Variants in IKZF1 observed in about 807,000 individuals in gnomAD.
IKZF1 encodes IKAROS family zinc finger 1, also known as DNA-binding protein Ikaros.
Under a neutral mutation model 51.7 loss-of-function variants are expected in IKZF1, and 10 were observed. That is an observed-to-expected ratio of 0.19 (90% CI 0.12 to 0.33). The LOEUF (loss-of-function observed/expected upper bound fraction) is 0.33, where lower values mean the gene tolerates loss of function less well. Among genes scored for constraint, IKZF1 ranks in the 10% least tolerant of loss-of-function variants. The probability of loss-of-function intolerance (pLI) is 1.00; values close to 1 mark genes in which losing one functional copy is unlikely to be tolerated. For missense variants in IKZF1, 484 were observed against 707.5 expected (o/e 0.68, Z 3.58); for synonymous variants, 280 against 282.3 (o/e 0.99, Z 0.08).
Position 50,400,858 on chromosome 7 carries a change from T to C in IKZF1, c.*231T>C, listed in dbSNP as rs1817995157. On this transcript the variant is annotated 3_prime_UTR_variant, in exon 8 of 8. Transcript: ENST00000331340. The surrounding 1 kb of genome is among the most constrained non-coding windows in gnomAD (Gnocchi z 5.4). The stretch of plus-strand genomic sequence containing the variant: ...CTGCATTGGGAGCATCCAGAACTGC[T>C]ACCTTCCTAGATGTTTCCCCAGACC... The C allele has an allele frequency of 1.7e-6, 1 of 576,994 alleles. No individual in the cohort carries two copies. The highest frequency in any genetic ancestry group is 3.1e-5 in the East Asian group (1 of 32,690). 35.7% of individuals were successfully genotyped at this position (576,994 alleles called of 1,614,324 possible).
In IKZF1 at chr7:50,400,094, G is replaced by A. The variant is rs2153518075; in HGVS notation, c.1027G>A (p.Val343Ile). Residue 343 changes from valine to isoleucine, a missense_variant, in exon 8 of 8, where the codon GTC becomes ATC. Physicochemically the swap from Val to Ile is conservative, Grantham distance 29 (BLOSUM62 3). This residue lies in a region of IKZF1 where 172 missense variants were observed against 192.7 expected (regional missense o/e 0.89). Coordinates refer to ENST00000331340, the MANE Select transcript of IKZF1 (RefSeq NM_006060.6). The surrounding 1 kb of genome is among the most constrained non-coding windows in gnomAD (Gnocchi z 5.4). ...TPPGGSEVVP[V>I]ISPMYQLHKP... ...CCCGGGCGGTTCCGAGGTGGTCCCG[G>A]TCATCAGCCCGATGTACCAGCTGCA... The A allele has an allele frequency of 2.5e-6, 4 of 1,569,776 alleles. No individual in the cohort carries two copies. The highest frequency in any genetic ancestry group is 1.2e-5 in the South Asian group (1 of 85,826).
chr7:50,334,864 G>T (rs910506893), intron 3 of IKZF1, among the ~76,000 whole-genome samples: 147 of 150,596 alleles, frequency 9.8e-4, no homozygotes, highest in African/African-American at 3.3e-3. Context: ...GGGTATGTGT[G>T]TGTATGGGAT....
At chr7:50,371,193 A>G (rs1230488952) in intron 3 of IKZF1, among the ~76,000 whole-genome samples, 3 of 152,240 alleles carry the variant, frequency 2.0e-5, no homozygotes, top group Non-Finnish European at 4.4e-5. Flanking sequence ...GGAGCCTTGC[A>G]TATCCCTTGG....
At chr7:50,369,655 C>G (rs969283332) in intron 3 of IKZF1, 2 of 398,208 alleles carry the variant, frequency 5.0e-6, no homozygotes, top group African/African-American at 4.1e-5. Context: ...CCCCTTTGCC[C>G]TCAACACCTC....
intron 3 of IKZF1, chr7:50,328,938 T>C (rs1795757976): frequency 1.3e-5 from 2 of 151,578 alleles, no homozygotes; most frequent in Admixed American, 1.3e-4. Flanking sequence ...CCGGGCGTAG[T>C]GGTGGGCGCC....
At chr7:50,324,702 A>C (rs1042178775) in intron 2 of IKZF1, among the ~76,000 whole-genome samples, 1 of 152,234 alleles carries the variant, frequency 6.6e-6, no homozygotes, top group South Asian at 2.1e-4. Flanking sequence ...ACCTGTTATT[A>C]TGAACCATCC....
At chr7:50,326,857 A>G (rs1422170015) in intron 2 of IKZF1, among the ~76,000 whole-genome samples, 3 of 152,170 alleles carry the variant, frequency 2.0e-5, no homozygotes, top group Non-Finnish European at 4.4e-5. Context: ...TTTCCCCACT[A>G]AGTTAAGTCA....
At chr7:50,358,409 T>C (rs1804164875) in intron 3 of IKZF1, among the ~76,000 whole-genome samples, 1 of 152,220 alleles carries the variant, frequency 6.6e-6, no homozygotes, top group Non-Finnish European at 1.5e-5. Flanking sequence ...GCGTGAAGGC[T>C]GTGGGACGGG....
rs2153469271 is a variant in IKZF1 at position 50,376,638 on chromosome 7, G to T, written c.266G>T (p.Gly89Val). The T allele has an allele frequency of 6.2e-7, 1 of 1,614,028 alleles. No homozygotes were observed. Among genetic ancestry groups the T allele is most frequent in the South Asian group, 1.1e-5 (1 of 91,082 alleles). Residue 89 changes from glycine (G) to valine (V), a missense_variant, in exon 4 of 8, where the codon GGA becomes GTA. Around this residue, in one of 6 missense-constraint regions of IKZF1, gnomAD observed 118 missense variants for 138.4 expected, o/e 0.85. Transcript: ENST00000331340. The surrounding 1 kb of genome is among the most constrained non-coding windows in gnomAD (Gnocchi z 4.5). ...AEDLRMLDAS[G>V]EKMNGSHRDQ... ...GATTTACGAATGCTTGATGCCTCGG[G>T]AGAGAAAATGAATGGCTCCCACAGG...
chr7:50,313,320 A>C (rs1442481810), intron 1 of IKZF1, among the ~76,000 whole-genome samples: 1 of 152,210 alleles, frequency 6.6e-6, no homozygotes, highest in East Asian at 1.9e-4. Context: ...TCCCTTCAAT[A>C]TAAGCATCAT....
In IKZF1 at chr7:50,353,200, C is replaced by G. The variant is rs933010496; in HGVS notation, c.161-23333C>G. Among the ~76,000 whole-genome samples, 14 of 152,366 alleles carry G rather than the reference C, an allele frequency of 9.2e-5. 1 individual carries two copies. In the South Asian group the frequency reaches 2.9e-3, roughly 32 times the overall value. ...GCAGGGAGAGCAATGGGGCCCTTCC[C>G]TTCCACCAACATTCAGCAGAATTTG... On this transcript the variant is annotated intron_variant, in intron 3 of 7. Coordinates refer to ENST00000331340, the MANE Select transcript of IKZF1 (RefSeq NM_006060.6).
At chr7:50,372,507 G>A (rs1208301011) in intron 3 of IKZF1, among the ~76,000 whole-genome samples, 3 of 152,202 alleles carry the variant, frequency 2.0e-5, no homozygotes, top group African/African-American at 2.4e-5. Context: ...CATTTAAAAC[G>A]TTTTGAGCAT....
intron 3 of IKZF1, among the ~76,000 whole-genome samples, chr7:50,348,768 G>A (rs1801045816): frequency 6.6e-6 from 1 of 152,260 alleles, no homozygotes; most frequent in Non-Finnish European, 1.5e-5. Flanking sequence ...ATTTTGCACA[G>A]TGATGTACCC....
chr7:50,353,085 G>A (rs1802280949), intron 3 of IKZF1, among the ~76,000 whole-genome samples: 1 of 150,986 alleles, frequency 6.6e-6, no homozygotes, highest in African/African-American at 2.4e-5. Context: ...AGAAGACACA[G>A]AAAGACATGA....
intron 3 of IKZF1, among the ~76,000 whole-genome samples, chr7:50,365,578 A>G (rs1192194452): frequency 6.6e-6 from 1 of 152,350 alleles, no homozygotes; most frequent in East Asian, 1.9e-4. Flanking sequence ...CAAAACCACA[A>G]TGAGATACCA....
intron 1 of IKZF1, among the ~76,000 whole-genome samples, chr7:50,314,267 C>T (rs1790928281): frequency 2.0e-5 from 3 of 152,192 alleles, no homozygotes; most frequent in African/African-American, 7.2e-5. Context: ...CCCGCCACCA[C>T]ACCTGGCTAA....
intron 3 of IKZF1, among the ~76,000 whole-genome samples, chr7:50,350,141 C>T (rs969280509): frequency 2.0e-5 from 3 of 152,228 alleles, no homozygotes; most frequent in Non-Finnish European, 2.9e-5. Context: ...CACCACCGTC[C>T]GCTGGGAGGC....
chr7:50,316,566 G>C (rs1199426227), intron 1 of IKZF1, among the ~76,000 whole-genome samples: 1 of 152,214 alleles, frequency 6.6e-6, no homozygotes, highest in Non-Finnish European at 1.5e-5. Flanking sequence ...CCCACCCCTA[G>C]CTCCCTCCAG....
chr7:50,313,872 G>A lies in IKZF1; in HGVS notation c.-14-5176G>A, dbSNP rs190423866. ...CAGACAACACCCATGGTCTTATGAG[G>A]CTTAACCATTTGCCTCTTCAATGCC... On this transcript the variant is annotated intron_variant, in intron 1 of 7. Transcript: ENST00000331340. Among the ~76,000 whole-genome samples the A allele has an allele frequency of 2.0e-5, 3 of 152,334 alleles. No homozygotes were observed. In the East Asian group the frequency reaches 5.8e-4, roughly 29 times the overall value.
Sources: allele counts gnomAD v4.1 joint callset (sites outside exome capture counted in the v4.1 genomes callset), GRCh38; gene constraint gnomAD v4.1.1; regional missense constraint gnomAD v4.1.1; non-coding constraint Gnocchi (gnomAD v3.1); transcripts MANE v1.5; gene names NCBI Gene and HGNC (gene_info 2026-07-23, HGNC 2026-07-21).